The following CAMK4 variants were observed in gnomAD, a reference collection of about 807,000 sequenced individuals.
CAMK4 encodes calcium/calmodulin-dependent protein kinase type IV.
A neutral mutation model predicts 44.9 loss-of-function variants in CAMK4; 22 were observed. That is an observed-to-expected ratio of 0.49 (90% confidence interval 0.35 to 0.70). The LOEUF is 0.70. Ranked by LOEUF, CAMK4 falls within the 30% of genes least tolerant of loss-of-function variation. The pLI is 0.01. For synonymous variants in CAMK4, 218 were observed against 215.4 expected, an observed-to-expected ratio of 1.01 and a Z score of -0.11; for missense variants, 498 against 586.8, an observed-to-expected ratio of 0.85 and a Z score of 1.56.
intron 5 of CAMK4, among the ~76,000 whole-genome samples, chr5:111,407,769 A>G (rs1725703650): frequency 6.6e-6 from 1 of 152,166 alleles, no homozygotes; most frequent in South Asian, 2.1e-4. Context: ...TTCTTTAGAT[A>G]TATAGATATA....
At chr5:111,256,376 G>A (rs1749747034) in intron 1 of CAMK4, among the ~76,000 whole-genome samples, 1 of 151,972 alleles carries the variant, frequency 6.6e-6, no homozygotes, top group Admixed American at 6.6e-5. Context: ...TGTGTTGGTG[G>A]TCAGATTAAT....
intron 1 of CAMK4, among the ~76,000 whole-genome samples, chr5:111,294,177 T>G (rs72780348): frequency 6.6e-6 from 1 of 152,358 alleles, no homozygotes; most frequent in Non-Finnish European, 1.5e-5. Flanking sequence ...AGCTCACAGT[T>G]GTTTTGATGC....
chr5:111,385,454 T>C (rs919530276), intron 4 of CAMK4, among the ~76,000 whole-genome samples: 1 of 152,080 alleles, frequency 6.6e-6, no homozygotes, highest in African/African-American at 2.4e-5. Flanking sequence ...GGGTAAAATA[T>C]GAGCATCTTA....
intron 4 of CAMK4, among the ~76,000 whole-genome samples, chr5:111,389,661 G>A (rs893871320): frequency 6.6e-6 from 1 of 152,186 alleles, no homozygotes; most frequent in African/African-American, 2.4e-5. Flanking sequence ...CTGGGTGAGT[G>A]ACTATGGGGA....
At chr5:111,467,053 A>G (rs1236681941) in intron 7 of CAMK4, among the ~76,000 whole-genome samples, 1 of 152,118 alleles carries the variant, frequency 6.6e-6, no homozygotes, top group Non-Finnish European at 1.5e-5. Flanking sequence ...GCAGTCACTG[A>G]TCTTTGACAA....
At chr5:111,440,958 A>G (rs569715967) in intron 5 of CAMK4, among the ~76,000 whole-genome samples, 9 of 152,280 alleles carry the variant, frequency 5.9e-5, no homozygotes, top group Admixed American at 5.2e-4. Flanking sequence ...ATAACATACT[A>G]AGTAATTACA....
At position 111,488,005 on chromosome 5, in the gene CAMK4, G is replaced by C. The variant is rs1342899304; in HGVS notation, c.*3539G>C. The stretch of plus-strand genomic sequence containing the variant: ...CTACTGACCAATCCCTCTGATTCCT[G>C]ATGGGCCCTGGAGTCTTGACTACAG... On this transcript the variant is annotated 3_prime_UTR_variant, in exon 11 of 11. Coordinates refer to ENST00000282356, the MANE Select transcript of CAMK4 (RefSeq NM_001744.6). 9.9e-5 allele frequency: 15 copies of C among 152,154 alleles called. No homozygotes were observed. The highest frequency in any genetic ancestry group is 4.4e-5 in the Non-Finnish European group (3 of 68,026). 9.4% of individuals were successfully genotyped at this position (152,154 alleles called of 1,614,324 possible).
intron 2 of CAMK4, among the ~76,000 whole-genome samples, chr5:111,345,148 A>G (rs924138545): frequency 3.3e-5 from 5 of 151,928 alleles, no homozygotes; most frequent in African/African-American, 1.2e-4. Context: ...CATATAATGA[A>G]GAGCATAATA....
chr5:111,447,132 G>C (rs1003842255), intron 6 of CAMK4, among the ~76,000 whole-genome samples: 1 of 152,146 alleles, frequency 6.6e-6, no homozygotes, highest in Non-Finnish European at 1.5e-5. Context: ...TTATTCCACA[G>C]ATTGCTTGGA....
In CAMK4 at chr5:111,431,240, G is replaced by T. The variant is rs188337179; in HGVS notation, c.460-15446G>T. On this transcript the variant is annotated intron_variant, in intron 5 of 10. Transcript: ENST00000282356. ...CAGTGAACTCATCTCTGACAAAGGT[G>T]CCAAGAACATACACTGGGAAAAAGA... 1.8e-3 allele frequency among the ~76,000 whole-genome samples: 274 copies of T among 152,224 alleles called. 1 individual carries two copies. Among genetic ancestry groups the T allele is most frequent in the African/African-American group, 6.2e-3 (258 of 41,528 alleles).
At chr5:111,281,350 C>G (rs556427825) in intron 1 of CAMK4, among the ~76,000 whole-genome samples, 2 of 152,282 alleles carry the variant, frequency 1.3e-5, no homozygotes, top group East Asian at 3.9e-4. Context: ...CTTAATATAA[C>G]TAGAATAATG....
At chr5:111,257,141 A>G (rs1167103960) in intron 1 of CAMK4, among the ~76,000 whole-genome samples, 1 of 152,224 alleles carries the variant, frequency 6.6e-6, no homozygotes, top group Admixed American at 6.5e-5. Context: ...AAAAGCAAAG[A>G]TTGACAAATG....
Position 111,286,366 on chromosome 5 carries a change from T to C in CAMK4, c.162-57658T>C, listed in dbSNP as rs568711815. On this transcript the variant is annotated intron_variant, in intron 1 of 10. Transcript: ENST00000282356. ...ATGATTTTTACTTGAAAATGTATAG[T>C]TGGCTAATTTTTGCTTATGTGTCCA... is the stretch of plus-strand genomic sequence containing the variant. Among the ~76,000 whole-genome samples the C allele has an allele frequency of 1.7e-3, 252 of 152,312 alleles. 3 individuals carry two copies. The highest frequency in any genetic ancestry group is 5.7e-3 in the African/African-American group (237 of 41,562).
intron 1 of CAMK4, among the ~76,000 whole-genome samples, chr5:111,312,982 A>T (rs1455867416): frequency 6.6e-6 from 1 of 152,154 alleles, no homozygotes; most frequent in African/African-American, 2.4e-5. Context: ...ACTTAAGCTA[A>T]GTGTGAAGGA....
intron 1 of CAMK4, among the ~76,000 whole-genome samples, chr5:111,334,585 C>T (rs560801183): frequency 1.3e-5 from 2 of 151,416 alleles, no homozygotes; most frequent in African/African-American, 4.8e-5. Context: ...ATTCATATAA[C>T]CTAAAAGTCA....
chr5:111,249,945 C>T (rs577302700), intron 1 of CAMK4, among the ~76,000 whole-genome samples: 1 of 152,018 alleles, frequency 6.6e-6, no homozygotes, highest in Admixed American at 6.6e-5. Flanking sequence ...TTTTACTGCC[C>T]TCAATTCTCA....
chr5:111,389,236 T>C (rs1275547723), intron 4 of CAMK4, among the ~76,000 whole-genome samples: 3 of 152,162 alleles, frequency 2.0e-5, no homozygotes, highest in Non-Finnish European at 4.4e-5. Context: ...TATAAAGGCA[T>C]GAATCCCATT....
chr5:111,405,758 C>CA (rs1243244121), intron 5 of CAMK4, among the ~76,000 whole-genome samples: 1 of 152,150 alleles, frequency 6.6e-6, no homozygotes, highest in Non-Finnish European at 1.5e-5. Context: ...ATAAGACCAT[C>CA]ACCCTGATGG....
rs1028697445 is a variant in CAMK4 at position 111,348,625 on chromosome 5, A to G, written c.240+4523A>G. On this transcript the variant is annotated intron_variant, in intron 2 of 10. Transcript: ENST00000282356. ...CATAAAGTCTGCAATTTACTTTCAA[A>G]TGGTTAAACAACAACAAAAAAAATG... is the stretch of plus-strand genomic sequence containing the variant. Among the ~76,000 whole-genome samples, 3 of 152,004 alleles carry G rather than the reference A, an allele frequency of 2.0e-5. No homozygotes were observed. In the East Asian group the frequency reaches 5.8e-4, roughly 29 times the overall value.
Sources: gnomAD v4.1 joint callset for allele counts (sites outside exome capture counted in the v4.1 genomes callset) on GRCh38, gnomAD v4.1.1 for gene constraint, MANE v1.5 for transcripts, NCBI Gene and HGNC (gene_info 2026-07-23, HGNC 2026-07-21) for gene names.